Variants in EDA observed in about 807,000 individuals in gnomAD.
The protein encoded by EDA is ectodysplasin A, also known as ectodysplasin-A.
In EDA, 2 loss-of-function variants were observed where a neutral mutation model predicts 23.6. That is an observed-to-expected ratio of 0.08 (90% CI 0.03 to 0.27). The LOEUF is 0.27. Among genes scored for constraint, EDA ranks in the 10% least tolerant of loss-of-function variants. EDA has a pLI of 1.00. For synonymous variants in EDA, 131 were observed against 132.0 expected (o/e 0.99, Z 0.05); for missense variants, 229 against 324.2 (o/e 0.71, Z 2.26).
chrX:69,692,633 G>A (rs1440047346), intron 1 of EDA, among the ~76,000 whole-genome samples: 1 of 112,060 alleles, frequency 8.9e-6, no homozygotes, highest in African/African-American at 3.2e-5. Context: ...GATAATTAAT[G>A]TAAAGTACTT....
intron 4 of EDA, among the ~76,000 whole-genome samples, chrX:70,028,693 A>G (rs1398099646): frequency 1.8e-5 from 2 of 112,797 alleles, no homozygotes; most frequent in Non-Finnish European, 3.7e-5. Context: ...ATGTCATTTC[A>G]TCCCTTTGCA....
chrX:69,717,713 G>A (rs925135525), intron 1 of EDA, among the ~76,000 whole-genome samples: 1 of 110,123 alleles, frequency 9.1e-6, no homozygotes, highest in African/African-American at 3.3e-5. Flanking sequence ...TAGAGACAGG[G>A]TTTCACTGTG....
At chrX:69,996,711 C>T (rs1311046895) in intron 2 of EDA, among the ~76,000 whole-genome samples, 1 of 111,921 alleles carries the variant, frequency 8.9e-6, no homozygotes, top group African/African-American at 3.3e-5. Flanking sequence ...TACAGTTTGG[C>T]TCTGTGTCCC....
At chrX:69,689,438 C>T (rs939174619) in intron 1 of EDA, among the ~76,000 whole-genome samples, 13 of 108,258 alleles carry the variant, frequency 1.2e-4, no homozygotes, top group East Asian at 2.9e-4. Flanking sequence ...TGGGTTCAAG[C>T]GAGTCTCCTG....
intron 1 of EDA, among the ~76,000 whole-genome samples, chrX:69,834,501 G>A (rs5980864): frequency 0.18 from 18,321 of 101,366 alleles, 2,458 homozygotes; most frequent in East Asian, 0.72. Flanking sequence ...TTTAAAGTCT[G>A]TTTTATTAGA....
intron 1 of EDA, among the ~76,000 whole-genome samples, chrX:69,710,355 T>C (rs1569304008): frequency 1.8e-5 from 2 of 111,225 alleles, no homozygotes; most frequent in African/African-American, 3.3e-5. Flanking sequence ...CATTGGTCTA[T>C]ATCTCTGTTT....
chrX:69,997,050 A>G (rs1355042093), intron 2 of EDA, among the ~76,000 whole-genome samples: 1 of 111,880 alleles, frequency 8.9e-6, no homozygotes, highest in African/African-American at 3.3e-5. Flanking sequence ...GTAAACTGGT[A>G]CCAGCAGAAT....
At chrX:69,666,620 C>T (rs182958543) in intron 1 of EDA, among the ~76,000 whole-genome samples, 1 of 112,214 alleles carries the variant, frequency 8.9e-6, no homozygotes, top group East Asian at 2.8e-4. Context: ...TATGTTAAAC[C>T]AGTCTTGCAT....
intron 1 of EDA, among the ~76,000 whole-genome samples, chrX:69,688,092 G>A (rs189316831): frequency 9.0e-6 from 1 of 111,362 alleles, no homozygotes; most frequent in Non-Finnish European, 1.9e-5. Flanking sequence ...CACTGCCCTG[G>A]GAAAAAGAGG....
intron 1 of EDA, among the ~76,000 whole-genome samples, chrX:69,816,673 C>G (rs2016089005): frequency 9.0e-6 from 1 of 110,802 alleles, no homozygotes; most frequent in African/African-American, 3.3e-5. Context: ...AGGAATGAAC[C>G]AAACCATCCG....
intron 1 of EDA, among the ~76,000 whole-genome samples, chrX:69,858,649 T>C (rs2017310314): frequency 8.9e-6 from 1 of 112,056 alleles, no homozygotes; most frequent in Admixed American, 9.5e-5. Flanking sequence ...TTGTTGAGGA[T>C]TTCTGCATCA....
intron 4 of EDA, 40 bp downstream of exon 4, chrX:70,028,076 A>G: frequency 4.2e-6 from 5 of 1,186,782 alleles, no homozygotes; most frequent in Non-Finnish European, 5.7e-6. Context: ...GGTGCCTTTA[A>G]AGTACTTTAG....
At chrX:69,744,631 C>A (rs1423856678) in intron 1 of EDA, among the ~76,000 whole-genome samples, 1 of 111,911 alleles carries the variant, frequency 8.9e-6, no homozygotes, top group African/African-American at 3.2e-5. Flanking sequence ...GGGCTTAAAC[C>A]CCCAAATGGT....
intron 1 of EDA, among the ~76,000 whole-genome samples, chrX:69,821,577 C>A (rs968684271): frequency 3.6e-5 from 4 of 111,373 alleles, no homozygotes; most frequent in African/African-American, 9.8e-5. Flanking sequence ...TTGTAATTAA[C>A]CTTCATTAGC....
intron 1 of EDA, among the ~76,000 whole-genome samples, chrX:69,700,992 G>A (rs1569301020): frequency 9.0e-6 from 1 of 111,259 alleles, no homozygotes; most frequent in Non-Finnish European, 1.9e-5. Context: ...GCGGGGAGCA[G>A]AAAAGTGGAG....
intron 1 of EDA, among the ~76,000 whole-genome samples, chrX:69,725,502 A>C (rs2012759249): frequency 8.9e-6 from 1 of 112,202 alleles, no homozygotes; most frequent in African/African-American, 3.2e-5. Flanking sequence ...TCCTCTACAC[A>C]CCTCTAGTCA....
At chrX:69,779,203 T>C (rs2014871192) in intron 1 of EDA, among the ~76,000 whole-genome samples, 1 of 111,679 alleles carries the variant, frequency 9.0e-6, no homozygotes, top group Non-Finnish European at 1.9e-5. Context: ...TGCTAACAGA[T>C]ATTTGAACAA....
At chrX:69,916,215 A>G (rs955056748) in intron 1 of EDA, among the ~76,000 whole-genome samples, 3 of 111,122 alleles carry the variant, frequency 2.7e-5, no homozygotes, top group Non-Finnish European at 5.6e-5. Flanking sequence ...ACACAGATTA[A>G]ACATGAGCCA....
chrX:69,878,683 T>A (rs995664637), intron 1 of EDA, among the ~76,000 whole-genome samples: 20 of 105,502 alleles, frequency 1.9e-4, no homozygotes, highest in African/African-American at 6.7e-4. Context: ...ATGAAAAGGC[T>A]TGGTGAAAAT....
Sources: allele counts gnomAD v4.1 joint callset (sites outside exome capture counted in the v4.1 genomes callset), GRCh38; gene constraint gnomAD v4.1.1; transcripts MANE v1.5; gene names NCBI Gene and HGNC (gene_info 2026-07-23, HGNC 2026-07-21).